The following PDZRN3 variants were observed in gnomAD, a reference collection of about 807,000 sequenced individuals.
PDZRN3 encodes the protein PDZ domain containing ring finger 3.
Under a neutral mutation model 85.7 loss-of-function variants are expected in PDZRN3, and 38 were observed. That is an observed-to-expected ratio of 0.44 (90% CI 0.34 to 0.58). PDZRN3 has a LOEUF of 0.58. PDZRN3 is among the 20% of genes least tolerant of loss of function. PDZRN3 has a pLI of 0.01. For missense variants in PDZRN3, 1,629 were observed against 1,506.4 expected, an observed-to-expected ratio of 1.08 and a Z score of -1.35; for synonymous variants, 759 against 638.0, an observed-to-expected ratio of 1.19 and a Z score of -2.86.
Position 73,592,580 on chromosome 3 carries a change from G to A in PDZRN3, c.918+9774C>T, listed in dbSNP as rs115218563. Reference sequence around the variant, plus strand: ...GAGACCCAGTTTCTATGCAGTTCACGTGGTCATCAAAATAGATTTAAACAG... The same window carrying A: ...GAGACCCAGTTTCTATGCAGTTCACATGGTCATCAAAATAGATTTAAACAG... On this transcript the variant is annotated intron_variant, in intron 3 of 9. Coordinates refer to ENST00000263666, the MANE Select transcript of PDZRN3 (RefSeq NM_015009.3). Among the ~76,000 whole-genome samples the A allele has an allele frequency of 3.7e-3, 558 of 152,260 alleles. 6 individuals carry two copies. Among genetic ancestry groups the A allele is most frequent in the African/African-American group, 0.013 (530 of 41,538 alleles).
chr3:73,581,107 A>G (rs1702195876), intron 3 of PDZRN3, among the ~76,000 whole-genome samples: 1 of 152,260 alleles, frequency 6.6e-6, no homozygotes, highest in African/African-American at 2.4e-5. Flanking sequence ...CTACATAAGA[A>G]GAACAGACCT....
At chr3:73,429,207 T>C (rs559614851) in intron 3 of PDZRN3, among the ~76,000 whole-genome samples, 3 of 152,312 alleles carry the variant, frequency 2.0e-5, no homozygotes, top group Non-Finnish European at 2.9e-5. Context: ...CTTCCATGCC[T>C]GGCCAAGATG....
intron 3 of PDZRN3, among the ~76,000 whole-genome samples, chr3:73,440,945 G>A (rs1282727783): frequency 6.6e-6 from 1 of 152,176 alleles, no homozygotes; most frequent in Non-Finnish European, 1.5e-5. Flanking sequence ...CTGTGGGTGT[G>A]CACTAAACCA....
At position 73,383,778 on chromosome 3, in the gene PDZRN3, TC is replaced by T; in HGVS notation, c.2787del (p.Thr930ArgfsTer19). 6.2e-7 allele frequency: 1 copy of T among 1,613,314 alleles called. No individual in the cohort carries two copies. The highest frequency in any genetic ancestry group is 8.5e-7 in the Non-Finnish European group (1 of 1,179,978). On this transcript the variant is annotated frameshift_variant, in exon 10 of 10. Transcript: ENST00000263666. LOFTEE classifies it high-confidence loss of function. ...ACGGGCCTCTTGGTGATGTAGCGCG[TC>T]CCGTCGCTGCGGATCTTCACCTTCC... ...MEWKVKIRSD[G>X]TRYITKRPVR...
chr3:73,394,409 A>G (rs1027213919), intron 5 of PDZRN3, among the ~76,000 whole-genome samples: 20 of 152,196 alleles, frequency 1.3e-4, no homozygotes, highest in Non-Finnish European at 2.9e-5. Context: ...CTCAGAACAA[A>G]CCGTCATGGG....
chr3:73,575,227 T>C (rs1702105352), intron 3 of PDZRN3, among the ~76,000 whole-genome samples: 1 of 152,298 alleles, frequency 6.6e-6, no homozygotes, highest in African/African-American at 2.4e-5. Context: ...CAAATAACTA[T>C]AGAGCAAATA....
At chr3:73,561,323 T>C (rs1701810058) in intron 3 of PDZRN3, 1 of 152,178 alleles carries the variant, frequency 6.6e-6, no homozygotes. Flanking sequence ...TTAGACAAAC[T>C]CCCATACTTT....
chr3:73,553,135 G>C (rs771286536), intron 3 of PDZRN3, among the ~76,000 whole-genome samples: 1 of 152,124 alleles, frequency 6.6e-6, no homozygotes, highest in Non-Finnish European at 1.5e-5. Flanking sequence ...CAAGGTAAGC[G>C]GACATGTCTT....
At chr3:73,558,833 G>C (rs555327462) in intron 3 of PDZRN3, among the ~76,000 whole-genome samples, 1 of 152,286 alleles carries the variant, frequency 6.6e-6, no homozygotes, top group African/African-American at 2.4e-5. Context: ...TATGAGTTTC[G>C]ACATTAACCC....
intron 3 of PDZRN3, among the ~76,000 whole-genome samples, chr3:73,441,504 T>C (rs1269836839): frequency 6.6e-6 from 1 of 151,288 alleles, no homozygotes; most frequent in African/African-American, 2.4e-5. Context: ...TGGACCATAA[T>C]TTGACGACAA....
chr3:73,501,700 T>C (rs902518044), intron 3 of PDZRN3, among the ~76,000 whole-genome samples: 4 of 152,162 alleles, frequency 2.6e-5, no homozygotes, highest in South Asian at 2.1e-4. Context: ...GTGGGTGACA[T>C]TGACATCCAC....
intron 3 of PDZRN3, among the ~76,000 whole-genome samples, chr3:73,516,652 T>C (rs1381748973): frequency 2.0e-5 from 3 of 152,218 alleles, no homozygotes; most frequent in African/African-American, 7.2e-5. Flanking sequence ...TCTTTATGGT[T>C]TCTGGGTAGG....
intron 3 of PDZRN3, among the ~76,000 whole-genome samples, chr3:73,485,756 A>G (rs758933399): frequency 1.6e-4 from 25 of 152,220 alleles, no homozygotes; most frequent in Non-Finnish European, 1.2e-4. Context: ...GTGACAATTA[A>G]ATAAGACAAT....
At chr3:73,386,812 C>T (rs1701400940) in intron 8 of PDZRN3, among the ~76,000 whole-genome samples, 1 of 152,050 alleles carries the variant, frequency 6.6e-6, no homozygotes, top group South Asian at 2.1e-4. Flanking sequence ...GCTCATGAGG[C>T]TCCCATCTGT....
chr3:73,537,580 G>A (rs1559727798), intron 3 of PDZRN3, among the ~76,000 whole-genome samples: 4 of 151,740 alleles, frequency 2.6e-5, no homozygotes, highest in Admixed American at 2.6e-4. Context: ...ACTAGTTAAT[G>A]AAAGGCCAAT....
chr3:73,617,970 T>A (rs1165531484), intron 1 of PDZRN3, among the ~76,000 whole-genome samples: 1 of 152,260 alleles, frequency 6.6e-6, no homozygotes, highest in Non-Finnish European at 1.5e-5. Flanking sequence ...CCTCCCAAAC[T>A]GCTGAGATTA....
intron 3 of PDZRN3, among the ~76,000 whole-genome samples, chr3:73,511,375 G>A (rs4677297): frequency 0.98 from 148,410 of 152,154 alleles, 72,489 homozygotes; most frequent in East Asian, 1. Context: ...TTTATAAAAC[G>A]CCTCTACTCC....
chr3:73,391,299 T>C (rs551697149), intron 5 of PDZRN3, among the ~76,000 whole-genome samples, 183 bp from the exon 6 acceptor site: 2 of 152,350 alleles, frequency 1.3e-5, no homozygotes, highest in African/African-American at 4.8e-5. Flanking sequence ...CCTACGGCAT[T>C]TCTGACCTTT....
intron 3 of PDZRN3, among the ~76,000 whole-genome samples, chr3:73,582,752 G>A (rs560518942): frequency 2.0e-5 from 3 of 152,058 alleles, no homozygotes; most frequent in Non-Finnish European, 2.9e-5. Context: ...CTTACCCCGC[G>A]TCTCAGTGGT....
Sources: allele counts gnomAD v4.1 joint callset (sites outside exome capture counted in the v4.1 genomes callset), GRCh38; gene constraint gnomAD v4.1.1; transcripts MANE v1.5; gene names NCBI Gene and HGNC (gene_info 2026-07-23, HGNC 2026-07-21).